SEC14L5: variants seen among roughly 807,000 people sequenced by gnomAD.
The protein encoded by SEC14L5 is SEC14-like protein 5.
In SEC14L5, 96 loss-of-function variants were observed where a neutral mutation model predicts 84.6. The observed-to-expected ratio is 1.13, with a 90% CI of 0.96 to 1.34. The LOEUF is 1.34. Ranked by LOEUF, SEC14L5 falls within the 40% of genes most tolerant of loss-of-function variation. SEC14L5 has a pLI of 0.00. For synonymous variants in SEC14L5, 546 were observed against 383.4 expected, an observed-to-expected ratio of 1.42 and a Z score of -4.95; for missense variants, 1,224 against 942.5, an observed-to-expected ratio of 1.30 and a Z score of -3.91.
rs749030907 is a variant in SEC14L5 at position 5,011,197 on chromosome 16, C to T, written c.1903C>T (p.Leu635=). The change falls in exon 15 of 16, where the codon CTG becomes TTG. Residue 635 remains leucine (L), a synonymous_variant. Transcript: ENST00000251170. ...ACSLPGVDDV[L]TALHSPGPKC... Reference sequence around the variant, plus strand: ...CAGCCTCCCGGGTGTGGACGATGTCCTGACGGCTCTGCACAGCCCCGGGCC... The same window carrying T: ...CAGCCTCCCGGGTGTGGACGATGTCTTGACGGCTCTGCACAGCCCCGGGCC... 2.5e-5 allele frequency: 40 copies of T among 1,613,810 alleles called. No individual in the cohort carries two copies. The South Asian group carries it at 4.0e-4, about 16-fold the overall frequency.
In SEC14L5 at chr16:5,016,087, A is replaced by T. The variant is rs1019184319; in HGVS notation, c.*1117A>T. On this transcript the variant is annotated 3_prime_UTR_variant, in exon 16 of 16. Coordinates refer to ENST00000251170, the MANE Select transcript of SEC14L5 (RefSeq NM_014692.2). ...GGTGCATAGAACTGGCCAGTCCAGG[A>T]GGGCTTGCTTCAGGTAAGGCTAGAT... 6.6e-6 allele frequency: 1 copy of T among 152,198 alleles called. No homozygotes were observed. Among genetic ancestry groups the T allele is most frequent in the Non-Finnish European group, 1.5e-5 (1 of 68,052 alleles). 9.4% of individuals were successfully genotyped at this position (152,198 alleles called of 1,614,324 possible). A position where few individuals can be genotyped will look rare whatever the true frequency, so the allele number is the denominator to read the frequency against.
chr16:4,994,832 C>G (rs960280753), intron 6 of SEC14L5, among the ~76,000 whole-genome samples: 9 of 152,110 alleles, frequency 5.9e-5, no homozygotes. Context: ...CTCAGGGTGG[C>G]GGGCAGAGGA....
At chr16:4,961,329 A>G (rs780958497) in intron 2 of SEC14L5, among the ~76,000 whole-genome samples, 10 of 151,954 alleles carry the variant, frequency 6.6e-5, no homozygotes, top group Non-Finnish European at 1.3e-4. Flanking sequence ...TCTGAGCCCC[A>G]TTTTCTTTTA....
At chr16:5,010,846 A>G (rs2241062) in intron 14 of SEC14L5, 340,140 of 480,332 alleles carry the variant, frequency 0.71, 122,671 homozygotes, top group African/African-American at 0.9. Context: ...CTGAAGTTGC[A>G]CCCCCACCCC....
At chr16:4,997,978 A>C (rs977116983) in intron 8 of SEC14L5, among the ~76,000 whole-genome samples, 2 of 148,180 alleles carry the variant, frequency 1.3e-5, no homozygotes, top group African/African-American at 5.0e-5. Flanking sequence ...CTAATTAACT[A>C]ATTACACCTG....
At chr16:4,996,287 C>A in intron 6 of SEC14L5, 61 bp from the exon 7 acceptor site, 1 of 1,024,324 alleles carries the variant, frequency 9.8e-7, no homozygotes. Flanking sequence ...GGCACACAGA[C>A]CACATGGTAA....
intron 5 of SEC14L5, among the ~76,000 whole-genome samples, chr16:4,991,342 G>T (rs987966668): frequency 6.6e-6 from 1 of 151,918 alleles, no homozygotes; most frequent in Admixed American, 6.6e-5. Context: ...TGGAGGCCCA[G>T]TTGAGCCCAG....
chr16:4,988,101 G>T, intron 3 of SEC14L5, 48 bp from the exon 4 acceptor site: 1 of 1,606,172 alleles, frequency 6.2e-7, no homozygotes, highest in Non-Finnish European at 8.5e-7. Flanking sequence ...ATTCCTGTGT[G>T]CTCCACGCCG....
At chr16:5,007,623 T>G (rs1240007745) in intron 13 of SEC14L5, 137 bp downstream of exon 13, 65 of 624,844 alleles carry the variant, frequency 1.0e-4, no homozygotes, top group East Asian at 1.6e-4. Context: ...TTTTTTTTTT[T>G]GGGATGGAGT....
chr16:5,016,138 T>A lies in SEC14L5; in HGVS notation c.*1168T>A, dbSNP rs1270301295. 2.6e-5 allele frequency: 4 copies of A among 152,194 alleles called. No individual in the cohort carries two copies. The highest frequency in any genetic ancestry group is 4.4e-5 in the Non-Finnish European group (3 of 68,052). 9.4% of individuals were successfully genotyped at this position (152,194 alleles called of 1,614,324 possible). ...CCAGGGTCTCAACATGGAGTCTCGA[T>A]TCCCCCCGCGAGTGGAGGCTGCTGT... On this transcript the variant is annotated 3_prime_UTR_variant, in exon 16 of 16. Coordinates refer to ENST00000251170, the MANE Select transcript of SEC14L5 (RefSeq NM_014692.2).
At chr16:4,987,531 G>A (rs759868954) in intron 2 of SEC14L5, 26 bp from the exon 3 acceptor site, 2 of 1,501,846 alleles carry the variant, frequency 1.3e-6, no homozygotes, top group Non-Finnish European at 1.8e-6. Context: ...CCCCACCACG[G>A]CCGCTCACTG....
At chr16:4,973,107 CT>C (rs1158639440) in intron 2 of SEC14L5, among the ~76,000 whole-genome samples, 1 of 152,214 alleles carries the variant, frequency 6.6e-6, no homozygotes, top group African/African-American at 2.4e-5. Context: ...TCCTTTTCCT[CT>C]TTTTTTCTGA....
At chr16:4,987,853 A>G in intron 3 of SEC14L5, 147 bp downstream of exon 3, 1 of 703,276 alleles carries the variant, frequency 1.4e-6, no homozygotes, top group South Asian at 1.9e-5. Flanking sequence ...AGGTTCCAGG[A>G]TGAGGGTGGC....
At chr16:4,993,440 C>G (rs1955574041) in intron 6 of SEC14L5, among the ~76,000 whole-genome samples, 1 of 152,154 alleles carries the variant, frequency 6.6e-6, no homozygotes. Context: ...CAGGGTTTCA[C>G]CATGTTGACC....
At position 5,007,440 on chromosome 16, in the gene SEC14L5, G is replaced by A. The variant is rs771962105; in HGVS notation, c.1526G>A (p.Ser509Asn). Reference sequence around the variant, plus strand: ...CACACGGACCAGCTGTGGCAGTGGAGTGAGACCTACCATTCAGCCAGCGTG... The same window carrying A: ...CACACGGACCAGCTGTGGCAGTGGAATGAGACCTACCATTCAGCCAGCGTG... ...QEHTDQLWQW[S>N]ETYHSASVLR... The change falls in exon 13 of 16, where the codon AGT becomes AAT. Residue 509 changes from serine (S) to asparagine (N), a missense_variant. Physicochemically the swap from Ser to Asn is conservative, Grantham distance 46. Transcript: ENST00000251170. 5.0e-6 allele frequency: 8 copies of A among 1,613,922 alleles called. No individual in the cohort carries two copies. The highest frequency in any genetic ancestry group is 4.2e-6 in the Non-Finnish European group (5 of 1,179,880).
chr16:4,966,267 CTTTTTTTTTTTTT>C (rs1019686741), intron 2 of SEC14L5, among the ~76,000 whole-genome samples: 2 of 78,770 alleles, frequency 2.5e-5, no homozygotes, highest in African/African-American at 9.5e-5. Flanking sequence ...CGCCCGGCCT[CTTTTTTTTTTTTT>C]TTTTTTTTTT....
At chr16:4,974,954 T>G (rs1955323134) in intron 2 of SEC14L5, among the ~76,000 whole-genome samples, 1 of 151,904 alleles carries the variant, frequency 6.6e-6, no homozygotes, top group Admixed American at 6.6e-5. Flanking sequence ...ATTTTTGTAT[T>G]TTTAGTAAAT....
intron 15 of SEC14L5, 99 bp downstream of exon 15, chr16:5,011,372 TC>T: frequency 7.9e-7 from 1 of 1,272,136 alleles, no homozygotes; most frequent in Non-Finnish European, 1.1e-6. Context: ...GGTCAGCTTC[TC>T]CCGGGGTGGG....
At chr16:4,961,221 C>A (rs183039314) in intron 2 of SEC14L5, among the ~76,000 whole-genome samples, 1 of 152,124 alleles carries the variant, frequency 6.6e-6, no homozygotes, top group Admixed American at 6.6e-5. Context: ...TGCAGAGAGC[C>A]GAGATTGCGC....
Sources: gnomAD v4.1 joint callset for allele counts (sites outside exome capture counted in the v4.1 genomes callset) on GRCh38, gnomAD v4.1.1 for gene constraint, MANE v1.5 for transcripts, NCBI Gene and HGNC (gene_info 2026-07-23, HGNC 2026-07-21) for gene names.